Variants in SLC20A2 observed in about 807,000 individuals in gnomAD.
SLC20A2 encodes the protein sodium-dependent phosphate transporter 2.
A neutral mutation model predicts 61.0 loss-of-function variants in SLC20A2; 30 were observed. The ratio of observed to expected loss-of-function variants is 0.49; its 90% confidence interval spans 0.37 to 0.67. The LOEUF (loss-of-function observed/expected upper bound fraction) is 0.67. SLC20A2 is among the 30% of genes least tolerant of loss of function. The pLI is 0.00. For missense variants in SLC20A2, 626 were observed against 866.4 expected (o/e 0.72, Z 3.48); for synonymous variants, 351 against 353.3 (o/e 0.99, Z 0.07).
intron 6 of SLC20A2, 111 bp from the exon 7 acceptor site, chr8:42,439,764 CA>C (rs897270121): frequency 6.2e-3 from 4,388 of 704,638 alleles, no homozygotes; most frequent in Non-Finnish European, 7.0e-3. Flanking sequence ...ATTTTGGAAA[CA>C]AAAAAAAAAG....
At chr8:42,467,095 A>G (rs1455204368) in intron 2 of SLC20A2, among the ~76,000 whole-genome samples, 1 of 152,090 alleles carries the variant, frequency 6.6e-6, no homozygotes, top group Non-Finnish European at 1.5e-5. Flanking sequence ...GGCTCACTGG[A>G]TGCAGTGAGC....
chr8:42,484,794 C>G, intron 1 of SLC20A2: 2 of 311,346 alleles, frequency 6.4e-6, no homozygotes, highest in Non-Finnish European at 6.4e-6. Context: ...CCATATCATG[C>G]GGGAGCACCT....
intron 9 of SLC20A2, among the ~76,000 whole-genome samples, chr8:42,429,585 A>G (rs779696021): frequency 4.6e-5 from 7 of 152,220 alleles, no homozygotes; most frequent in Non-Finnish European, 1.0e-4. Context: ...GAGAGACCAC[A>G]TTTAAAGCCT....
chr8:42,427,405 T>A (rs1263773676), intron 10 of SLC20A2, among the ~76,000 whole-genome samples: 1 of 152,182 alleles, frequency 6.6e-6, no homozygotes, highest in Non-Finnish European at 1.5e-5. Context: ...GCTGTGTGCA[T>A]GTGGGAAGCG....
chr8:42,524,571 AG>A (rs1318776292), intron 1 of SLC20A2, among the ~76,000 whole-genome samples: 2 of 152,074 alleles, frequency 1.3e-5, no homozygotes, highest in Admixed American at 1.3e-4. Flanking sequence ...GCAGATCACA[AG>A]GTCAGGAGTT....
rs1666863540 is a variant in SLC20A2 at position 42,417,651 on chromosome 8, T to C, written c.*152A>G. 1.4e-6 allele frequency: 1 copy of C among 724,268 alleles called. No homozygotes were observed. The highest frequency in any genetic ancestry group is 1.8e-5 in the African/African-American group (1 of 56,688). The allele number at this position is 724,268 out of a possible 1,614,324, so 44.9% of individuals were successfully genotyped here. A position where few individuals can be genotyped will look rare whatever the true frequency, so the allele number is the denominator to read the frequency against. On this transcript the variant is annotated 3_prime_UTR_variant, in exon 11 of 11. Transcript: ENST00000520262. ...GAGTCTCCGCAGCCTGGGTGAACAG[T>C]GTGGGATGGAGCCTCCTGGAAGGGA...
chr8:42,495,933 A>G (rs1420761099), intron 1 of SLC20A2, among the ~76,000 whole-genome samples: 2 of 151,910 alleles, frequency 1.3e-5, no homozygotes, highest in Non-Finnish European at 1.5e-5. Context: ...TATTTTTGGT[A>G]GAGAGGGGGT....
At chr8:42,447,218 C>T (rs1051479605) in intron 5 of SLC20A2, among the ~76,000 whole-genome samples, 2 of 151,844 alleles carry the variant, frequency 1.3e-5, no homozygotes, top group African/African-American at 4.8e-5. Context: ...TAGTGGTGCA[C>T]GCCTGTAGTC....
At chr8:42,439,785 G>C (rs1804630162) in intron 6 of SLC20A2, 132 bp from the exon 7 acceptor site, 2 of 706,344 alleles carry the variant, frequency 2.8e-6, no homozygotes, top group African/African-American at 1.8e-5. Flanking sequence ...GTTATAGCTA[G>C]ATAGAGAAAA....
At chr8:42,434,013 C>CT (rs1804055174) in intron 8 of SLC20A2, among the ~76,000 whole-genome samples, 1 of 151,938 alleles carries the variant, frequency 6.6e-6, no homozygotes, top group African/African-American at 2.4e-5. Context: ...CTTGACAACA[C>CT]TTGTTACTTT....
At chr8:42,419,552 A>T (rs1802906205) in intron 10 of SLC20A2, 1 of 226,472 alleles carries the variant, frequency 4.4e-6, no homozygotes, top group South Asian at 1.6e-4. Flanking sequence ...CAGTCTCAAA[A>T]AAAAATAAAA....
chr8:42,529,676 A>G (rs1168692826), intron 1 of SLC20A2, among the ~76,000 whole-genome samples: 1 of 152,220 alleles, frequency 6.6e-6, no homozygotes, highest in Non-Finnish European at 1.5e-5. Flanking sequence ...CAAGACATAC[A>G]TTATGAAGAT....
intron 3 of SLC20A2, among the ~76,000 whole-genome samples, chr8:42,465,258 T>C (rs1360000242): frequency 2.6e-5 from 4 of 151,878 alleles, no homozygotes; most frequent in Admixed American, 6.5e-5. Context: ...GGTTGAACCA[T>C]GTTGGCCAGG....
intron 1 of SLC20A2, among the ~76,000 whole-genome samples, chr8:42,527,920 G>C (rs938116643): frequency 6.6e-6 from 1 of 152,068 alleles, no homozygotes; most frequent in African/African-American, 2.4e-5. Context: ...ATGTGTATGT[G>C]TCTATACACC....
intron 8 of SLC20A2, among the ~76,000 whole-genome samples, chr8:42,433,128 T>C (rs1306430414): frequency 6.6e-6 from 1 of 152,228 alleles, no homozygotes; most frequent in African/African-American, 2.4e-5. Context: ...TTCTTATTTA[T>C]AGTTCAGCAG....
chr8:42,493,782 C>T (rs548620756), intron 1 of SLC20A2, among the ~76,000 whole-genome samples: 4 of 152,234 alleles, frequency 2.6e-5, no homozygotes, highest in African/African-American at 7.2e-5. Flanking sequence ...CATCAGTTTA[C>T]GTGGGTGTCT....
chr8:42,496,966 A>G (rs926723114), intron 1 of SLC20A2, among the ~76,000 whole-genome samples: 2 of 152,244 alleles, frequency 1.3e-5, no homozygotes, highest in African/African-American at 4.8e-5. Flanking sequence ...GTGAGGTCAC[A>G]TGGGGAGGAG....
chr8:42,536,861 G>T (rs1356093292), intron 1 of SLC20A2, among the ~76,000 whole-genome samples: 1 of 152,078 alleles, frequency 6.6e-6, no homozygotes, highest in African/African-American at 2.4e-5. Flanking sequence ...ATCACCTGAG[G>T]TCAGGAGTTC....
chr8:42,493,263 C>T (rs1401747111), intron 1 of SLC20A2, among the ~76,000 whole-genome samples: 2 of 152,212 alleles, frequency 1.3e-5, no homozygotes, highest in African/African-American at 2.4e-5. Context: ...CCACAATAAC[C>T]TTCTGATTCA....
Sources: gnomAD v4.1 joint callset for allele counts (sites outside exome capture counted in the v4.1 genomes callset) on GRCh38, gnomAD v4.1.1 for gene constraint, MANE v1.5 for transcripts, NCBI Gene and HGNC (gene_info 2026-07-23, HGNC 2026-07-21) for gene names.